The following ZFHX3 variants were observed in gnomAD, a reference collection of about 807,000 sequenced individuals.
ZFHX3 encodes zinc finger homeobox protein 3.
Under a neutral mutation model 279.1 loss-of-function variants are expected in ZFHX3, and 42 were observed. The observed-to-expected ratio is 0.15, with a 90% CI of 0.12 to 0.19. The LOEUF (loss-of-function observed/expected upper bound fraction) is 0.19, where lower values mean the gene tolerates loss of function less well. Ranked by LOEUF, ZFHX3 falls within the 10% of genes least tolerant of loss-of-function variation. The probability of loss-of-function intolerance (pLI) is 1.00; values close to 1 mark genes in which losing one functional copy is unlikely to be tolerated. For missense variants in ZFHX3, 4,981 were observed against 4,754.0 expected (o/e 1.05, Z -1.40); for synonymous variants, 2,293 against 1,957.8 (o/e 1.17, Z -4.52).
intron 1 of ZFHX3, among the ~76,000 whole-genome samples, chr16:73,703,024 G>A (rs1039354068): frequency 6.6e-6 from 1 of 152,162 alleles, no homozygotes; most frequent in Non-Finnish European, 1.5e-5. Context: ...AGGAGAAAGA[G>A]CTGAGAGCAA....
Position 73,617,562 on chromosome 16 carries a change from G to T in ZFHX3, c.-1547+62618C>A, listed in dbSNP as rs560964665. Among the ~76,000 whole-genome samples, 88 of 152,226 alleles carry T rather than the reference G, an allele frequency of 5.8e-4. 1 individual carries two copies. The highest frequency in any genetic ancestry group is 2.1e-3 in the African/African-American group (86 of 41,546). On this transcript the variant is annotated intron_variant, in intron 2 of 17. Coordinates refer to the ZFHX3 transcript ENST00000641206. ...ATACATTTCTACAATTTACTTAACA[G>T]ATATTTCCATGAGATGTACATGCCT...
At chr16:73,756,447 T>C (rs151107668) in intron 1 of ZFHX3, among the ~76,000 whole-genome samples, 1 of 152,232 alleles carries the variant, frequency 6.6e-6, no homozygotes, top group East Asian at 1.9e-4. Flanking sequence ...CCTGAGATCA[T>C]TCACACGACA....
At position 72,795,376 on chromosome 16, in the gene ZFHX3, G is replaced by T; in HGVS notation, c.7306C>A (p.Pro2436Thr). 1 of 1,614,126 alleles carries T rather than the reference G, an allele frequency of 6.2e-7. No homozygotes were observed. Among genetic ancestry groups the T allele is most frequent in the Non-Finnish European group, 8.5e-7 (1 of 1,180,026 alleles). ...GDEKPKLAEA[P>T]SAQPNQTQEK... ...TGGGTTTGGTTTGGCTGTGCACTGG[G>T]AGCTTCCGCCAGCTTTGGTTTCTCA... is the stretch of plus-strand genomic sequence containing the variant. Residue 2436 changes from proline (P) to threonine (T), a missense_variant, in exon 9 of 10, where the codon CCC (proline) becomes ACC (threonine). Transcript: ENST00000268489.
chr16:73,271,877 G>T (rs951598624), intron 4 of ZFHX3, among the ~76,000 whole-genome samples: 9 of 152,174 alleles, frequency 5.9e-5, no homozygotes, highest in Non-Finnish European at 1.0e-4. Flanking sequence ...TCTCTTCTCA[G>T]TTAGATGCTG....
chr16:73,501,539 T>C (rs2019238940), intron 2 of ZFHX3, among the ~76,000 whole-genome samples: 1 of 152,192 alleles, frequency 6.6e-6, no homozygotes, highest in African/African-American at 2.4e-5. Context: ...TCACCGTCAA[T>C]AATCAAAGCC....
chr16:73,533,746 T>C (rs2019847543), intron 2 of ZFHX3, among the ~76,000 whole-genome samples: 1 of 152,112 alleles, frequency 6.6e-6, no homozygotes, highest in South Asian at 2.1e-4. Context: ...ATCCCTCCAT[T>C]TGCTCAAGAA....
At chr16:73,497,703 C>G (rs1016801422) in intron 2 of ZFHX3, among the ~76,000 whole-genome samples, 1 of 152,070 alleles carries the variant, frequency 6.6e-6, no homozygotes, top group Non-Finnish European at 1.5e-5. Context: ...TGGAAACTCC[C>G]TGGGAATCCT....
At chr16:72,992,537 A>G (rs923450635) in intron 1 of ZFHX3, among the ~76,000 whole-genome samples, 11 of 152,050 alleles carry the variant, frequency 7.2e-5, no homozygotes, top group Non-Finnish European at 1.5e-4. Flanking sequence ...AAAATTCCCT[A>G]GGGGGGTGCC....
chr16:72,827,790 A>C (rs1338865580), intron 5 of ZFHX3, among the ~76,000 whole-genome samples: 1 of 152,062 alleles, frequency 6.6e-6, no homozygotes, highest in Non-Finnish European at 1.5e-5. Context: ...TGTTTTCTGG[A>C]GTTTAGGCTT....
At chr16:73,668,295 C>G (rs967194795) in intron 2 of ZFHX3, among the ~76,000 whole-genome samples, 10 of 151,792 alleles carry the variant, frequency 6.6e-5, no homozygotes, top group Admixed American at 1.3e-4. Flanking sequence ...AGCTGCTGAT[C>G]TTTGTATTTT....
Position 73,105,020 on chromosome 16 carries a change from A to G in ZFHX3, c.-896-11422T>C, listed in dbSNP as rs532691499. Among the ~76,000 whole-genome samples, 7 of 152,232 alleles carry G rather than the reference A, an allele frequency of 4.6e-5. No individual in the cohort carries two copies. The East Asian group carries it at 1.4e-3, about 29-fold the overall frequency. Reference sequence around the variant, plus strand: ...TCCTGCGGAGGGAAGAGGACTACAAAACAGCAGGCCACTGCAGCCATCACT... The same window carrying G: ...TCCTGCGGAGGGAAGAGGACTACAAGACAGCAGGCCACTGCAGCCATCACT... On this transcript the variant is annotated intron_variant, in intron 7 of 17. Transcript: ENST00000641206.
intron 3 of ZFHX3, among the ~76,000 whole-genome samples, chr16:73,321,381 A>AGT (rs1238447088): frequency 1.3e-5 from 2 of 152,188 alleles, no homozygotes; most frequent in Non-Finnish European, 2.9e-5. Flanking sequence ...GGGTCACAGC[A>AGT]GTACCTGACC....
chr16:72,939,812 C>T (rs1319336214), intron 3 of ZFHX3, among the ~76,000 whole-genome samples: 1 of 152,162 alleles, frequency 6.6e-6, no homozygotes, highest in African/African-American at 2.4e-5. Context: ...CACTTGAACC[C>T]GGGAGGCAGA....
At position 73,277,437 on chromosome 16, in the gene ZFHX3, C is replaced by T. The variant is rs180954208; in HGVS notation, c.-1193-20301G>A. Among the ~76,000 whole-genome samples the T allele has an allele frequency of 9.9e-5, 15 of 152,230 alleles. No individual in the cohort carries two copies. The East Asian group carries it at 2.9e-3, about 29-fold the overall frequency. On this transcript the variant is annotated intron_variant, in intron 4 of 17. Coordinates refer to the ZFHX3 transcript ENST00000641206. ...GGTGTCCTCCCATTTTTCTTTCTTACTGGGTAGATGAAATCTTTATTAAAA... is the reference window on the plus strand; with the variant it reads ...GGTGTCCTCCCATTTTTCTTTCTTATTGGGTAGATGAAATCTTTATTAAAA...
intron 3 of ZFHX3, among the ~76,000 whole-genome samples, chr16:72,906,328 C>T (rs1391685564): frequency 6.6e-6 from 1 of 151,938 alleles, no homozygotes; most frequent in Non-Finnish European, 1.5e-5. Context: ...TACTGCAGGC[C>T]CAAGAAACAG....
intron 2 of ZFHX3, among the ~76,000 whole-genome samples, chr16:73,522,047 G>C (rs1037409737): frequency 2.0e-5 from 3 of 152,178 alleles, no homozygotes; most frequent in African/African-American, 7.2e-5. Context: ...AGCTCTGATT[G>C]TCAGTTATAT....
upstream of ZFHX3, among the ~76,000 whole-genome samples, chr16:73,050,439 G>A (rs1447099208): frequency 6.6e-6 from 1 of 152,174 alleles, no homozygotes; most frequent in East Asian, 1.9e-4. Context: ...TTTGTTCCAG[G>A]CAAAAATTTA....
intron 2 of ZFHX3, among the ~76,000 whole-genome samples, chr16:73,604,928 C>T (rs1216389076): frequency 1.3e-5 from 2 of 151,672 alleles, no homozygotes; most frequent in Non-Finnish European, 2.9e-5. Context: ...CATTTTTTTT[C>T]ACCTATGTGT....
At chr16:72,996,692 T>A (rs947487693) in intron 1 of ZFHX3, among the ~76,000 whole-genome samples, 3 of 152,214 alleles carry the variant, frequency 2.0e-5, no homozygotes, top group African/African-American at 7.2e-5. Flanking sequence ...CTGAGTGCAA[T>A]CCAACCACGG....
Sources: allele counts gnomAD v4.1 joint callset (sites outside exome capture counted in the v4.1 genomes callset), GRCh38; gene constraint gnomAD v4.1.1; transcripts MANE v1.5; gene names NCBI Gene and HGNC (gene_info 2026-07-23, HGNC 2026-07-21).